The following ZNF665 variants were observed in gnomAD, a reference collection of about 807,000 sequenced individuals.
ZNF665 encodes the protein zinc finger protein 665.
In ZNF665, 6 loss-of-function variants were observed where a neutral mutation model predicts 7.9. That is an observed-to-expected ratio of 0.76 (90% confidence interval 0.42 to 1.50). The LOEUF is 1.50. ZNF665 is among the 40% of genes most tolerant of loss of function. The pLI is 0.01. For synonymous variants in ZNF665, 242 were observed against 274.5 expected, an observed-to-expected ratio of 0.88 and a Z score of 1.17; for missense variants, 819 against 806.7, an observed-to-expected ratio of 1.02 and a Z score of -0.18.
At chr19:53,174,052 A>T (rs1402613307) in intron 3 of ZNF665, among the ~76,000 whole-genome samples, 1 of 152,166 alleles carries the variant, frequency 6.6e-6, no homozygotes, top group Non-Finnish European at 1.5e-5. Context: ...CCCCAGGTGC[A>T]AAGGAGAAGC....
rs556532072 is a variant in ZNF665, at chr19:53,179,515, G to C, written c.15+3369C>G. 1.1e-4 allele frequency: 17 copies of C among 151,760 alleles called. 1 individual carries two copies. The East Asian group carries it at 2.7e-3, about 24-fold the overall frequency. The allele number at this position is 151,760 out of a possible 1,614,324, so 9.4% of individuals were successfully genotyped here. On this transcript the variant is annotated intron_variant, in intron 2 of 3. Coordinates refer to ENST00000396424, the MANE Select transcript of ZNF665 (RefSeq NM_024733.5). Reference sequence around the variant, plus strand: ...CAGGCTGGAGTGCAGTGGGTTCAGGGAGCTTCCAGAGGGCTGACATGTGGA... The same window carrying C: ...CAGGCTGGAGTGCAGTGGGTTCAGGCAGCTTCCAGAGGGCTGACATGTGGA...
intron 1 of ZNF665, among the ~76,000 whole-genome samples, chr19:53,183,151 T>C (rs2090751169): frequency 6.6e-6 from 1 of 152,152 alleles, no homozygotes; most frequent in African/African-American, 2.4e-5. Flanking sequence ...AGTGAGTTTC[T>C]GACCTCTTTC....
chr19:53,166,377 A>G, intron 3 of ZNF665, 30 bp from the exon 4 acceptor site: 1 of 1,498,316 alleles, frequency 6.7e-7, no homozygotes, highest in Non-Finnish European at 8.9e-7. Context: ...ATAGATTTCC[A>G]GTTAACTATA....
intron 1 of ZNF665, among the ~76,000 whole-genome samples, chr19:53,184,786 A>G (rs117037761): frequency 0.2 from 30,921 of 151,200 alleles, 3,546 homozygotes; most frequent in Admixed American, 0.25. Flanking sequence ...CCCGAATGCC[A>G]GGCCGCGCTG....
chr19:53,172,314 CTTTTAT>C (rs2090664223), intron 3 of ZNF665, among the ~76,000 whole-genome samples: 2 of 152,164 alleles, frequency 1.3e-5, no homozygotes, highest in African/African-American at 4.8e-5. Context: ...TAATATAGTA[CTTTTAT>C]TTTTATTTTT....
In ZNF665 at chr19:53,178,317, T is replaced by G. The variant is rs150243649; in HGVS notation, c.16-2746A>C. Among the ~76,000 whole-genome samples, 71 of 152,334 alleles carry G rather than the reference T, an allele frequency of 4.7e-4. No homozygotes were observed. The East Asian group carries it at 0.012, about 25-fold the overall frequency. ...TACTGTGAATGACTGACATGTAGAT[T>G]GGTCTGAATAGTTTCTTGGTCATTA... On this transcript the variant is annotated intron_variant, in intron 2 of 3. Transcript: ENST00000396424.
rs200739403 is a variant in ZNF665, at chr19:53,165,308, G to T, written c.1182C>A (p.Ile394=). The T allele has an allele frequency of 4.8e-4, 767 of 1,613,054 alleles. 1 individual carries two copies. The highest frequency in any genetic ancestry group is 3.9e-4 in the Non-Finnish European group (465 of 1,179,522). Reference sequence around the variant, plus strand: ...TGAAAGGCTTTTCTCCGGTATGGATGATCTGATGCTTAGTTAAGTTTGAAT... The same window carrying T: ...TGAAAGGCTTTTCTCCGGTATGGATTATCTGATGCTTAGTTAAGTTTGAAT... ...SMHSNLTKHQ[I]IHTGEKPFKC... is the part of the protein sequence containing the mutation. Residue 394 remains isoleucine (I), a synonymous_variant, in exon 4 of 4, where the codon ATC becomes ATA. Coordinates refer to ENST00000396424, the MANE Select transcript of ZNF665 (RefSeq NM_024733.5).
rs2090832329 is a variant in ZNF665 at position 53,193,292 on chromosome 19, C to T, written c.-46+20G>A. The T allele has an allele frequency of 6.6e-6, 1 of 152,290 alleles. No homozygotes were observed. The highest frequency in any genetic ancestry group is 6.5e-5 in the Admixed American group (1 of 15,274). The allele number at this position is 152,290 out of a possible 1,614,324, so 9.4% of individuals were successfully genotyped here. A position where few individuals can be genotyped will look rare whatever the true frequency, so the allele number is the denominator to read the frequency against. ...GGGGACTCCGAAACGCAGGTTTAAT[C>T]TAGATAGAGGGAAACTCACGCGGCG... On this transcript the variant is annotated intron_variant, in intron 1 of 3. Transcript: ENST00000396424.
intron 3 of ZNF665, among the ~76,000 whole-genome samples, chr19:53,173,372 C>CTTTTTTTTTTTTTTTTT (rs34425717): frequency 5.1e-5 from 4 of 78,878 alleles, no homozygotes; most frequent in African/African-American, 9.7e-5. Context: ...TTTTTTCACT[C>CTTTTTTTTTTTTTTTTT]TTTTTTTTTT....
intron 3 of ZNF665, among the ~76,000 whole-genome samples, chr19:53,168,860 A>T (rs1006557066): frequency 6.6e-6 from 1 of 152,174 alleles, no homozygotes; most frequent in African/African-American, 2.4e-5. Flanking sequence ...CAGTCTTTTT[A>T]AAAAATGGTG....
chr19:53,165,108 T>G lies in ZNF665; in HGVS notation c.1382A>C (p.Asn461Thr). Residue 461 changes from asparagine (N) to threonine (T), a missense_variant, in exon 4 of 4, where the codon AAT becomes ACT. Asn to Thr is a moderately conservative substitution (Grantham distance 65, BLOSUM62 0). Coordinates refer to ENST00000396424, the MANE Select transcript of ZNF665 (RefSeq NM_024733.5). ...TTGTGTGAAGACCTTACCGCAGTCA[T>G]TACATTTGTAAGGCTTTTCTCCAGT... ...IHTGEKPYKC[N>T]DCGKVFTQNS... The G allele has an allele frequency of 6.2e-7, 1 of 1,614,040 alleles. No homozygotes were observed. Among genetic ancestry groups the G allele is most frequent in the Non-Finnish European group, 8.5e-7 (1 of 1,180,008 alleles).
At chr19:53,166,660 A>G (rs921860776) in intron 3 of ZNF665, among the ~76,000 whole-genome samples, 1 of 152,198 alleles carries the variant, frequency 6.6e-6, no homozygotes, top group Admixed American at 6.5e-5. Context: ...AATTGGCAGT[A>G]TATTTTATAT....
At chr19:53,192,300 C>T (rs2090823112) in intron 1 of ZNF665, among the ~76,000 whole-genome samples, 1 of 152,120 alleles carries the variant, frequency 6.6e-6, no homozygotes, top group Admixed American at 6.5e-5. Flanking sequence ...AGGTCTCCCC[C>T]TGCTGTGGTT....
intron 2 of ZNF665, 173 bp downstream of exon 2, chr19:53,182,711 G>A: frequency 8.1e-7 from 1 of 1,238,112 alleles, no homozygotes; most frequent in Non-Finnish European, 1.2e-6. Context: ...TCATGTCACT[G>A]GGTCACCAGA....
At chr19:53,182,614 G>A in intron 2 of ZNF665, 1 of 764,168 alleles carries the variant, frequency 1.3e-6, no homozygotes, top group Non-Finnish European at 2.3e-6. Context: ...CAACAGCACT[G>A]ACACCACGGG....
At chr19:53,171,524 A>ATTTTTTTTTTTTTTTTTTTTTT (rs1215685651) in intron 3 of ZNF665, among the ~76,000 whole-genome samples, 1 of 69,318 alleles carries the variant, frequency 1.4e-5, no homozygotes, top group African/African-American at 5.2e-5. Context: ...ATATATATAT[A>ATTTTTTTTTTTTTTTTTTTTTT]TTTTTTTTTT....
intron 2 of ZNF665, among the ~76,000 whole-genome samples, chr19:53,176,917 C>T (rs570520832): frequency 6.6e-5 from 10 of 152,138 alleles, no homozygotes; most frequent in Admixed American, 3.3e-4. Flanking sequence ...GTCAGGAGTT[C>T]GAGACGAGCC....
intron 3 of ZNF665, among the ~76,000 whole-genome samples, chr19:53,168,119 C>G (rs2146842439): frequency 1.5e-5 from 2 of 132,420 alleles, no homozygotes; most frequent in African/African-American, 5.7e-5. Context: ...TACTTCAGAA[C>G]CAGCACAGGA....
At chr19:53,168,068 A>T (rs2090630945) in intron 3 of ZNF665, among the ~76,000 whole-genome samples, 2 of 148,560 alleles carry the variant, frequency 1.3e-5, no homozygotes, top group African/African-American at 2.5e-5. Flanking sequence ...AAAAAAAAAA[A>T]AAAAAAAAAA....
Sources: gnomAD v4.1 joint callset for allele counts (sites outside exome capture counted in the v4.1 genomes callset) on GRCh38, gnomAD v4.1.1 for gene constraint, MANE v1.5 for transcripts, NCBI Gene and HGNC (gene_info 2026-07-23, HGNC 2026-07-21) for gene names.